The following CASS4 variants were observed in gnomAD, a reference collection of about 807,000 sequenced individuals.
CASS4 encodes the protein cas scaffolding protein family member 4.
In CASS4, 22 loss-of-function variants were observed where a neutral mutation model predicts 54.2. The ratio of observed to expected loss-of-function variants is 0.41; its 90% CI spans 0.29 to 0.58. The LOEUF is 0.58. Ranked by LOEUF, CASS4 falls within the 20% of genes least tolerant of loss-of-function variation. The probability of loss-of-function intolerance (pLI) is 0.36; values close to 1 mark genes in which losing one functional copy is unlikely to be tolerated. For synonymous variants in CASS4, 409 were observed against 391.5 expected (o/e 1.04, Z -0.53); for missense variants, 854 against 986.7 (o/e 0.87, Z 1.80).
chr20:56,428,876 A>G (rs2146272252), intron 1 of CASS4, among the ~76,000 whole-genome samples: 1 of 152,306 alleles, frequency 6.6e-6, no homozygotes, highest in Admixed American at 6.5e-5. Flanking sequence ...CTTAGGTGCC[A>G]CAAAGCACTA....
chr20:56,432,872 C>T (rs931141887), intron 1 of CASS4, among the ~76,000 whole-genome samples: 2 of 146,796 alleles, frequency 1.4e-5, no homozygotes, highest in Admixed American at 6.7e-5. Context: ...TCATTCTTAC[C>T]GAAGGTCATC....
At position 56,437,607 on chromosome 20, in the gene CASS4, T is replaced by C. The variant is rs765370913; in HGVS notation, c.459+21T>C. ...AACAGGTACGCATACTTCCACCTAC[T>C]AGACATGGGTTGAGGGGTATGGAAA... On this transcript the variant is annotated intron_variant, in intron 2 of 5. Transcript: ENST00000679887. The surrounding 1 kb of genome is among the most constrained non-coding windows in gnomAD (Gnocchi z 4.7). 6.6e-7 allele frequency: 1 copy of C among 1,514,960 alleles called. No homozygotes were observed. The highest frequency in any genetic ancestry group is 2.2e-5 in the Admixed American group (1 of 45,508). 93.8% of individuals were successfully genotyped at this position (1,514,960 alleles called of 1,614,324 possible). A position where few individuals can be genotyped will look rare whatever the true frequency, so the allele number is the denominator to read the frequency against.
Position 56,452,790 on chromosome 20 carries a change from T to G in CASS4, c.1614T>G (p.Asp538Glu). Residue 538 changes from aspartate (D) to glutamate (E), a missense_variant, in exon 5 of 6, where the codon GAT becomes GAG. By Grantham distance (45) the Asp-to-Glu change is conservative. Transcript: ENST00000679887. ...TGCTTGAAACAAAGGAAAGCTTGGA[T>G]AATCGCAATTGGCCTCTGGAAGTTC... ...RILLETKESL[D>E]NRNWPLEVLV... 6.2e-7 allele frequency: 1 copy of G among 1,614,048 alleles called. No homozygotes were observed. The highest frequency in any genetic ancestry group is 1.3e-5 in the African/African-American group (1 of 75,008).
At chr20:56,453,306 C>T in intron 5 of CASS4, 177 bp downstream of exon 5, 1 of 589,872 alleles carries the variant, frequency 1.7e-6, no homozygotes, top group African/African-American at 1.9e-5. Context: ...ATTAACAAGT[C>T]AGATAAAGAT....
intron 1 of CASS4, among the ~76,000 whole-genome samples, chr20:56,433,953 C>T (rs755149696): frequency 2.0e-5 from 3 of 152,118 alleles, no homozygotes; most frequent in Non-Finnish European, 4.4e-5. Flanking sequence ...ATTCCCTCAG[C>T]GGCATGAGGG....
intron 1 of CASS4, among the ~76,000 whole-genome samples, chr20:56,413,099 G>A (rs1321846941): frequency 6.6e-6 from 1 of 151,782 alleles, no homozygotes; most frequent in African/African-American, 2.4e-5. Flanking sequence ...CTACCGGAGA[G>A]GCTGAGGTGA....
At chr20:56,448,592 C>T (rs1413369108) in intron 3 of CASS4, among the ~76,000 whole-genome samples, 1 of 152,104 alleles carries the variant, frequency 6.6e-6, no homozygotes, top group Non-Finnish European at 1.5e-5. Context: ...ACCCCATTTC[C>T]CAGCTGAGGA....
chr20:56,453,451 C>T (rs926177390), intron 5 of CASS4: 1 of 205,404 alleles, frequency 4.9e-6, no homozygotes, highest in Non-Finnish European at 9.8e-6. Context: ...TTTTTAAAAC[C>T]TCACCACCAA....
intron 5 of CASS4, among the ~76,000 whole-genome samples, chr20:56,456,337 A>G (rs554366982): frequency 6.6e-6 from 1 of 151,864 alleles, no homozygotes; most frequent in South Asian, 2.1e-4. Context: ...GATGCTCATA[A>G]TCTGATGCCT....
chr20:56,438,621 G>A (rs1410753504), intron 2 of CASS4, among the ~76,000 whole-genome samples: 8 of 152,200 alleles, frequency 5.3e-5, no homozygotes, highest in Admixed American at 4.6e-4. Flanking sequence ...CACTTTGGGA[G>A]GCGGAGGCGG....
intron 2 of CASS4, among the ~76,000 whole-genome samples, chr20:56,441,688 C>T (rs1980466873): frequency 6.6e-6 from 1 of 152,132 alleles, no homozygotes; most frequent in Admixed American, 6.5e-5. Flanking sequence ...TGGCTTACAA[C>T]TCAGGAGTGC....
Position 56,445,750 on chromosome 20 carries a change from A to T in CASS4, c.460-150A>T, listed in dbSNP as rs533057836. 1.9e-4 allele frequency: 113 copies of T among 580,664 alleles called. 1 individual carries two copies. The highest frequency in any genetic ancestry group is 1.2e-5 in the Non-Finnish European group (4 of 326,772). 36.0% of individuals were successfully genotyped at this position (580,664 alleles called of 1,614,324 possible). On this transcript the variant is annotated intron_variant, in intron 2 of 5. Transcript: ENST00000679887. The stretch of plus-strand genomic sequence containing the variant: ...CTCCCACCCGTGCCCTGCTGTCTTG[A>T]GAGTGAAGAGCCTGCCAGCGGGGGT...
At chr20:56,445,764 G>C (rs1403455535) in intron 2 of CASS4, 136 bp from the exon 3 acceptor site, 1 of 613,378 alleles carries the variant, frequency 1.6e-6, no homozygotes, top group Non-Finnish European at 2.8e-6. Flanking sequence ...TGAAGAGCCT[G>C]CCAGCGGGGG....
chr20:56,436,372 A>ATATG (rs1329263920), intron 1 of CASS4, among the ~76,000 whole-genome samples: 5 of 141,350 alleles, frequency 3.5e-5, no homozygotes, highest in African/African-American at 5.3e-5. Context: ...ATATATATAT[A>ATATG]TGTATATATA....
intron 2 of CASS4, among the ~76,000 whole-genome samples, chr20:56,445,038 A>G (rs942572750): frequency 6.6e-5 from 10 of 151,972 alleles, no homozygotes; most frequent in African/African-American, 2.2e-4. Flanking sequence ...TGAATCCAGG[A>G]GGCGGAGTTT....
intron 3 of CASS4, among the ~76,000 whole-genome samples, chr20:56,448,141 CA>C (rs11470665): frequency 0.14 from 15,202 of 109,572 alleles, 960 homozygotes; most frequent in Middle Eastern, 0.23. Flanking sequence ...GACTCTGTCT[CA>C]AAAAAAAAAA....
chr20:56,424,855 G>A (rs1446817705), intron 1 of CASS4, among the ~76,000 whole-genome samples: 1 of 152,034 alleles, frequency 6.6e-6, no homozygotes, highest in Non-Finnish European at 1.5e-5. Flanking sequence ...AATGGAGGGA[G>A]GAAGGGAGAG....
chr20:56,453,718 G>A (rs913442448), intron 5 of CASS4: 3 of 152,488 alleles, frequency 2.0e-5, no homozygotes, highest in Non-Finnish European at 4.4e-5. Flanking sequence ...TGAGACCCCA[G>A]CTGTACAAAA....
At position 56,452,322 on chromosome 20, in the gene CASS4, A is replaced by G; in HGVS notation, c.1146A>G (p.Ser382=). 1.2e-6 allele frequency: 2 copies of G among 1,613,892 alleles called. No homozygotes were observed. The highest frequency in any genetic ancestry group is 1.7e-6 in the Non-Finnish European group (2 of 1,180,014). ...AGAATTCCGCGGGCCATAATTCCTCATGGTTCTCCAGACGGACAACTTCCC... is the reference window on the plus strand; with the variant it reads ...AGAATTCCGCGGGCCATAATTCCTCGTGGTTCTCCAGACGGACAACTTCCC... ...VSENSAGHNS[S]WFSRRTTSPS... is the part of the protein sequence containing the mutation. Residue 382 remains serine (S), a synonymous_variant, in exon 5 of 6, where the codon TCA becomes TCG. Transcript: ENST00000679887.
Sources: gnomAD v4.1 joint callset for allele counts (sites outside exome capture counted in the v4.1 genomes callset) on GRCh38, gnomAD v4.1.1 for gene constraint, Gnocchi (gnomAD v3.1) non-coding constraint, MANE v1.5 for transcripts, NCBI Gene and HGNC (gene_info 2026-07-23, HGNC 2026-07-21) for gene names.